Variants in MARS1 observed in about 807,000 individuals in gnomAD.
MARS1 encodes the protein methionine--tRNA ligase, cytoplasmic.
In MARS1, 80 loss-of-function variants were observed where a neutral mutation model predicts 119.5. The ratio of observed to expected loss-of-function variants is 0.67; its 90% CI spans 0.56 to 0.81. The LOEUF (loss-of-function observed/expected upper bound fraction) is 0.81. MARS1 is among the 30% of genes least tolerant of loss of function. MARS1 has a pLI of 0.00. For missense variants in MARS1, 945 were observed against 1,116.5 expected, an observed-to-expected ratio of 0.85 and a Z score of 2.19; for synonymous variants, 418 against 433.4, an observed-to-expected ratio of 0.96 and a Z score of 0.44.
chr12:57,509,146 C>T (rs1877389480), intron 11 of MARS1, among the ~76,000 whole-genome samples: 1 of 152,058 alleles, frequency 6.6e-6, no homozygotes, highest in Non-Finnish European at 1.5e-5. Flanking sequence ...TTACTTATTT[C>T]ATCAGTAGGA....
chr12:57,490,243 T>C lies in MARS1; in HGVS notation c.527T>C (p.Leu176Pro). ...GCCCTGCACAGCTGGTTCCAGACACTGAGTACCCAGGAACCATGTCAGCGA... is the reference window on the plus strand; with the variant it reads ...GCCCTGCACAGCTGGTTCCAGACACCGAGTACCCAGGAACCATGTCAGCGA... ...LSALHSWFQT[L>P]STQEPCQRAA... Residue 176 changes from leucine (L) to proline (P), a missense_variant, in exon 6 of 21, where the codon CTG becomes CCG. By Grantham distance (98) the Leu-to-Pro change is moderately conservative. Transcript: ENST00000262027. The C allele has an allele frequency of 5.0e-6, 8 of 1,613,908 alleles. No individual in the cohort carries two copies. Among genetic ancestry groups the C allele is most frequent in the Non-Finnish European group, 6.8e-6 (8 of 1,180,032 alleles).
rs1226454793 is a variant in MARS1, at chr12:57,503,310, T to G, written c.1294-915T>G. Among the ~76,000 whole-genome samples the G allele has an allele frequency of 2.0e-5, 3 of 151,308 alleles. No homozygotes were observed. In the East Asian group the frequency reaches 5.8e-4, roughly 29 times the overall value. On this transcript the variant is annotated intron_variant, in intron 10 of 20. Transcript: ENST00000262027. ...GTGCAATGGCGCGATCTCAGCTCAGTGCAATCTCCACCACCCAGGTTCAAG... is the reference window on the plus strand; with the variant it reads ...GTGCAATGGCGCGATCTCAGCTCAGGGCAATCTCCACCACCCAGGTTCAAG...
intron 15 of MARS1, among the ~76,000 whole-genome samples, chr12:57,513,475 G>A (rs751291371): frequency 1.3e-5 from 2 of 151,980 alleles, no homozygotes; most frequent in African/African-American, 4.8e-5. Flanking sequence ...TCAGCCAGGC[G>A]TGGTGGCGCA....
At chr12:57,488,504 C>G in intron 1 of MARS1, 1 of 1,439,142 alleles carries the variant, frequency 6.9e-7, no homozygotes, top group Non-Finnish European at 9.5e-7. Context: ...ATCAGGCATC[C>G]CCCTCTGCTC....
At position 57,516,525 on chromosome 12, in the gene MARS1, T is replaced by C. The variant is rs1330893621; in HGVS notation, c.2647T>C (p.Leu883=). 1.2e-6 allele frequency: 2 copies of C among 1,612,664 alleles called. No homozygotes were observed. Among genetic ancestry groups the C allele is most frequent in the Non-Finnish European group, 1.7e-6 (2 of 1,179,598 alleles). The change falls in exon 21 of 21, where the codon TTG becomes CTG. Residue 883 remains leucine (L), a synonymous_variant. Transcript: ENST00000262027. ...GAAACTCTTGGATCTAAAGAAACAG[T>C]TGGCTGTAGCTGAGGGGAAACCCCC... The part of the protein sequence containing the change: ...VAKLLDLKKQ[L]AVAEGKPPEA...
intron 6 of MARS1, 75 bp from the exon 7 acceptor site, chr12:57,490,463 G>C (rs1875848884): frequency 3.7e-6 from 6 of 1,606,904 alleles, no homozygotes; most frequent in Non-Finnish European, 5.1e-6. Flanking sequence ...ACTTTTTCAG[G>C]TAGTGGCAAG....
At chr12:57,499,158 C>T (rs908298532) in intron 9 of MARS1, among the ~76,000 whole-genome samples, 2 of 151,320 alleles carry the variant, frequency 1.3e-5, no homozygotes, top group South Asian at 2.1e-4. Context: ...GTTGTGGGTG[C>T]CTGTAATCCC....
At chr12:57,512,474 A>T in intron 14 of MARS1, 121 bp downstream of exon 14, 1 of 761,128 alleles carries the variant, frequency 1.3e-6, no homozygotes, top group Admixed American at 2.3e-5. Context: ...AATAGGAAAT[A>T]ATTAAAATGA....
At position 57,514,689 on chromosome 12, in the gene MARS1, T is replaced by C. The variant is rs565497780; in HGVS notation, c.1968-31T>C. 9 of 1,613,586 alleles carry C rather than the reference T, an allele frequency of 5.6e-6. No homozygotes were observed. The African/African-American group carries it at 1.2e-4, about 22-fold the overall frequency. Reference sequence around the variant, plus strand: ...ACGGGATAATAACTTCCCCTCTTTTTTCCACTTCTGCTTTCCTACTCCCAA... The same window carrying C: ...ACGGGATAATAACTTCCCCTCTTTTCTCCACTTCTGCTTTCCTACTCCCAA... On this transcript the variant is annotated intron_variant, in intron 15 of 20. Coordinates refer to ENST00000262027, the MANE Select transcript of MARS1 (RefSeq NM_004990.4).
Position 57,489,098 on chromosome 12 carries a change from T to C in MARS1, c.189T>C (p.Ser63=). The stretch of plus-strand genomic sequence containing the variant: ...GCGGCAACTACCTCTTCTCCACTAG[T>C]GCAATCTGCCGGTCAGTATTGGTCC... ...LDSGNYLFST[S]AICRYFFLLS... The change falls in exon 2 of 21, where the codon AGT becomes AGC. Residue 63 remains serine (S), a synonymous_variant. Transcript: ENST00000262027. 1 of 1,614,102 alleles carries C rather than the reference T, an allele frequency of 6.2e-7. No homozygotes were observed. Among genetic ancestry groups the C allele is most frequent in the Non-Finnish European group, 8.5e-7 (1 of 1,180,004 alleles).
At chr12:57,504,573 A>G (rs867479887) in intron 11 of MARS1, among the ~76,000 whole-genome samples, 21 of 151,416 alleles carry the variant, frequency 1.4e-4, no homozygotes, top group Admixed American at 7.3e-4. Context: ...TTTTTAAGGG[A>G]TAGCTTCTCA....
chr12:57,490,818 C>T (rs184446968), intron 7 of MARS1, among the ~76,000 whole-genome samples, 174 bp downstream of exon 7: 2 of 134,414 alleles, frequency 1.5e-5, no homozygotes, highest in South Asian at 2.3e-4. Context: ...TTTCTCTTAG[C>T]CTATCATTTT....
intron 11 of MARS1, among the ~76,000 whole-genome samples, chr12:57,510,338 G>C (rs1392166798): frequency 6.6e-6 from 1 of 152,126 alleles, no homozygotes; most frequent in African/African-American, 2.4e-5. Context: ...CAGGCGTGGT[G>C]GCACCGACCT....
At chr12:57,498,036 T>C in intron 7 of MARS1, 121 bp from the exon 8 acceptor site, 1 of 711,682 alleles carries the variant, frequency 1.4e-6, no homozygotes, top group Non-Finnish European at 2.5e-6. Flanking sequence ...GCAGAAAGAC[T>C]TCAAGTGTAC....
At chr12:57,497,400 A>G (rs17119735) in intron 7 of MARS1, among the ~76,000 whole-genome samples, 13,257 of 152,194 alleles carry the variant, frequency 0.087, 1,880 homozygotes, top group African/African-American at 0.3. Context: ...CAGTGACTGT[A>G]GGCTAAGAAT....
intron 11 of MARS1, among the ~76,000 whole-genome samples, chr12:57,507,847 G>A (rs1369392163): frequency 2.0e-5 from 3 of 148,122 alleles, no homozygotes; most frequent in East Asian, 2.0e-4. Context: ...GGGCGGAGAC[G>A]CTCCTCACTT....
intron 11 of MARS1, among the ~76,000 whole-genome samples, chr12:57,505,013 AT>A (rs1173321389): frequency 1.3e-5 from 2 of 150,948 alleles, no homozygotes; most frequent in East Asian, 4.0e-4. Context: ...CACCTGACTA[AT>A]TTTTAAAATG....
chr12:57,516,588 T>A lies in MARS1; in HGVS notation c.*7T>A, dbSNP rs774583761. 6 of 1,564,872 alleles carry A rather than the reference T, an allele frequency of 3.8e-6. No individual in the cohort carries two copies. The highest frequency in any genetic ancestry group is 8.6e-7 in the Non-Finnish European group (1 of 1,162,640). On this transcript the variant is annotated 3_prime_UTR_variant, in exon 21 of 21. Coordinates refer to ENST00000262027, the MANE Select transcript of MARS1 (RefSeq NM_004990.4). ...AGGCAAGAAGAAAAAGTAAAAGACC[T>A]TGGCTCATAGAAAGTCACTTTAATA... is the stretch of plus-strand genomic sequence containing the variant.
chr12:57,490,426 G>A, intron 6 of MARS1, 47 bp downstream of exon 6: 2 of 1,610,416 alleles, frequency 1.2e-6, no homozygotes, highest in Non-Finnish European at 1.7e-6. Context: ...GAGGTGGCTA[G>A]GAGATGGACT....
Sources: gnomAD v4.1 joint callset for allele counts (sites outside exome capture counted in the v4.1 genomes callset) on GRCh38, gnomAD v4.1.1 for gene constraint, MANE v1.5 for transcripts, NCBI Gene and HGNC (gene_info 2026-07-23, HGNC 2026-07-21) for gene names.